The following RPS29 variants were observed in gnomAD, a reference collection of about 807,000 sequenced individuals.
RPS29 encodes ribosomal protein S29.
For missense variants in RPS29, 60 were observed against 75.7 expected (o/e 0.79, Z 0.77); for synonymous variants, 37 against 26.9 (o/e 1.37, Z -1.16).
intron 2 of RPS29, 66 bp downstream of exon 2, chr14:49,585,884 G>A: frequency 1.6e-6 from 2 of 1,247,344 alleles, no homozygotes; most frequent in East Asian, 4.7e-5. Context: ...TTTGTCTTTC[G>A]CGGAAAAAAT....
intron 1 of RPS29, chr14:49,598,302 A>T: frequency 1.6e-6 from 1 of 607,070 alleles, no homozygotes; most frequent in Non-Finnish European, 2.9e-6. Context: ...TCCTAGTTCA[A>T]TCAATCAAGA....
exon 3 of RPS29, chr14:49,576,303 A>C (rs1881178593): frequency 6.6e-6 from 1 of 151,638 alleles, no homozygotes; most frequent in African/African-American, 2.4e-5. Flanking sequence ...GGATCTCCTG[A>C]TGTTGCCCAG....
At chr14:49,598,111 T>C (rs1392922265) in intron 1 of RPS29, 8 of 373,284 alleles carry the variant, frequency 2.1e-5, no homozygotes, top group Admixed American at 1.7e-4. Context: ...CTGAACGTCA[T>C]TTTACCATTA....
At chr14:49,592,319 C>T (rs2139520859) in intron 1 of RPS29, 1 of 148,956 alleles carries the variant, frequency 6.7e-6, no homozygotes, top group East Asian at 2.0e-4. Flanking sequence ...TTGTAAACTC[C>T]ACTGCACTCG....
At chr14:49,578,705 C>T (rs192188754), downstream of RPS29, among the ~76,000 whole-genome samples, 27 of 151,810 alleles carry the variant, frequency 1.8e-4, no homozygotes, top group Admixed American at 1.6e-3. Flanking sequence ...GGATTACAGG[C>T]GCACACCACC....
chr14:49,592,630 C>T (rs981091432), intron 1 of RPS29, among the ~76,000 whole-genome samples: 14 of 151,054 alleles, frequency 9.3e-5, no homozygotes, highest in Non-Finnish European at 1.5e-4. Flanking sequence ...ATTAACTTGC[C>T]GGGCGCAGTG....
At chr14:49,586,813 A>C (rs574355274), upstream of RPS29, 1 of 188,408 alleles carries the variant, frequency 5.3e-6, no homozygotes, top group Non-Finnish European at 1.2e-5. Context: ...GCTGATCAGT[A>C]GTGGGATCGC....
At chr14:49,582,424 C>T (rs892358126), downstream of RPS29, among the ~76,000 whole-genome samples, 1 of 152,224 alleles carries the variant, frequency 6.6e-6, no homozygotes, top group Non-Finnish European at 1.5e-5. Context: ...TATGCTGTAA[C>T]CTCTATTAAG....
upstream of RPS29, among the ~76,000 whole-genome samples, chr14:49,587,551 C>G (rs1175669391): frequency 2.6e-5 from 4 of 152,106 alleles, no homozygotes; most frequent in Non-Finnish European, 5.9e-5. Flanking sequence ...GTCCCCCTAC[C>G]CAATCATTAA....
downstream of RPS29, among the ~76,000 whole-genome samples, chr14:49,578,693 TG>T (rs1271291845): frequency 6.6e-6 from 1 of 150,902 alleles, no homozygotes; most frequent in Non-Finnish European, 1.5e-5. Context: ...CCCAAGTAGC[TG>T]GGATTACAGG....
chr14:49,598,470 C>T, exon 1 of RPS29: 1 of 702,354 alleles, frequency 1.4e-6, no homozygotes, highest in Non-Finnish European at 2.6e-6. Flanking sequence ...CCCCCTTCGA[C>T]GTGCCAGGTG....
chr14:49,594,019 C>T (rs1249897028), intron 1 of RPS29, among the ~76,000 whole-genome samples: 1 of 152,138 alleles, frequency 6.6e-6, no homozygotes. Context: ...AATAGTGTAC[C>T]TTTACTCTTA....
downstream of RPS29, among the ~76,000 whole-genome samples, chr14:49,579,504 C>CCA (rs773604997): frequency 3.9e-5 from 6 of 152,154 alleles, no homozygotes; most frequent in Non-Finnish European, 5.9e-5. Flanking sequence ...GAGTATAAGA[C>CCA]CAACCTGGGC....
chr14:49,590,371 G>T (rs535732146), upstream of RPS29, among the ~76,000 whole-genome samples: 1 of 152,114 alleles, frequency 6.6e-6, no homozygotes, highest in South Asian at 2.1e-4. Context: ...AGCTACTCTG[G>T]AGGCTGAGGC....
At chr14:49,584,677 T>G (rs1332827325) in intron 2 of RPS29, among the ~76,000 whole-genome samples, 1 of 124,652 alleles carries the variant, frequency 8.0e-6, no homozygotes. Context: ...GACAGGAGAA[T>G]CGCTTGAATC....
intron 1 of RPS29, among the ~76,000 whole-genome samples, chr14:49,596,608 T>G (rs561620601): frequency 6.6e-6 from 1 of 152,312 alleles, no homozygotes; most frequent in East Asian, 1.9e-4. Context: ...GGAAACTACC[T>G]TTTTTAAGAC....
chr14:49,583,540 G>T, downstream of RPS29: 1 of 936,368 alleles, frequency 1.1e-6, no homozygotes, highest in Non-Finnish European at 1.6e-6. Context: ...TAAACAATTA[G>T]CTATTCCAGT....
At chr14:49,586,888 T>G (rs1445483350), upstream of RPS29, 1 of 158,236 alleles carries the variant, frequency 6.3e-6, no homozygotes, top group South Asian at 1.7e-4. Flanking sequence ...TTTTGAACAA[T>G]AAATACGTTA....
At chr14:49,574,672 A>T (rs949010532) in exon 3 of RPS29, 1 of 152,130 alleles carries the variant, frequency 6.6e-6, no homozygotes, top group South Asian at 2.1e-4. Flanking sequence ...CCTATTTGTC[A>T]GTGATGTTAT....
Sources: allele counts gnomAD v4.1 joint callset (sites outside exome capture counted in the v4.1 genomes callset), GRCh38; gene constraint gnomAD v4.1.1; transcripts MANE v1.5; gene names NCBI Gene and HGNC (gene_info 2026-07-23, HGNC 2026-07-21).